Variants in EYS observed in about 807,000 individuals in gnomAD.
EYS encodes EGF-like photoreceptor maintenance factor, also known as protein eyes shut homolog.
EYS carries 250 observed loss-of-function variants against 282.1 expected under a neutral mutation model. The ratio of observed to expected loss-of-function variants is 0.89; its 90% CI spans 0.80 to 0.98. The LOEUF (loss-of-function observed/expected upper bound fraction) is 0.98. Among genes scored for constraint, EYS ranks in the 50% least tolerant of loss-of-function variants. The pLI, the probability that EYS is intolerant of heterozygous loss-of-function variation, is 0.00. For missense variants in EYS, 4,016 were observed against 3,709.0 expected (o/e 1.08, Z -2.15); for synonymous variants, 1,355 against 1,282.9 (o/e 1.06, Z -1.20).
At chr6:64,373,299 C>T (rs1273757750) in intron 29 of EYS, among the ~76,000 whole-genome samples, 1 of 152,122 alleles carries the variant, frequency 6.6e-6, no homozygotes, top group African/African-American at 2.4e-5. Context: ...GGTTGAATGG[C>T]TTCACTTCTA....
At chr6:64,109,624 T>G (rs1429406765) in intron 31 of EYS, among the ~76,000 whole-genome samples, 1 of 152,088 alleles carries the variant, frequency 6.6e-6, no homozygotes, top group Non-Finnish European at 1.5e-5. Context: ...ATTTCACTAT[T>G]TGAAATGCCT....
chr6:65,166,297 T>A (rs1764970010), intron 12 of EYS, among the ~76,000 whole-genome samples: 1 of 151,102 alleles, frequency 6.6e-6, no homozygotes, highest in South Asian at 2.1e-4. Context: ...AAATAGATGA[T>A]CAAATTTGGA....
At chr6:64,695,002 C>T (rs1770524998) in intron 22 of EYS, among the ~76,000 whole-genome samples, 1 of 152,222 alleles carries the variant, frequency 6.6e-6, no homozygotes, top group Admixed American at 6.5e-5. Context: ...TCCCCTCTTT[C>T]CCCATGCTGC....
At chr6:65,089,021 C>T (rs1774469447) in intron 12 of EYS, among the ~76,000 whole-genome samples, 1 of 152,214 alleles carries the variant, frequency 6.6e-6, no homozygotes, top group Non-Finnish European at 1.5e-5. Context: ...GTTTGGGAAC[C>T]TCTACCTAGA....
intron 35 of EYS, among the ~76,000 whole-genome samples, chr6:63,876,296 T>A (rs1490751815): frequency 6.6e-6 from 1 of 152,256 alleles, no homozygotes; most frequent in East Asian, 1.9e-4. Flanking sequence ...CTGAGTTTTT[T>A]AATCCTGTGT....
chr6:64,954,958 C>T (rs1270117042), intron 14 of EYS, among the ~76,000 whole-genome samples: 1 of 152,088 alleles, frequency 6.6e-6, no homozygotes, highest in Non-Finnish European at 1.5e-5. Context: ...CACCTGAGAT[C>T]AGGAGTTCAA....
intron 12 of EYS, among the ~76,000 whole-genome samples, chr6:65,115,966 A>ATCATCCATCTATCT (rs1554154790): frequency 1.2e-4 from 18 of 144,962 alleles, no homozygotes; most frequent in African/African-American, 4.7e-4. Flanking sequence ...CTGTCTATCT[A>ATCATCCATCTATCT]ATCTATCTAT....
chr6:64,000,489 CGA>C (rs1390377521), intron 33 of EYS, among the ~76,000 whole-genome samples: 1 of 151,600 alleles, frequency 6.6e-6, no homozygotes, highest in Non-Finnish European at 1.5e-5. Flanking sequence ...CGTGAGCCAC[CGA>C]GCCCGGCAGG....
chr6:65,668,634 T>A (rs965015899), intron 1 of EYS, among the ~76,000 whole-genome samples: 6 of 151,892 alleles, frequency 4.0e-5, no homozygotes, highest in Non-Finnish European at 8.8e-5. Context: ...CTATATAAAA[T>A]TCAAATCATT....
intron 31 of EYS, among the ~76,000 whole-genome samples, chr6:64,215,919 G>C (rs935793973): frequency 2.6e-5 from 4 of 152,076 alleles, no homozygotes; most frequent in African/African-American, 7.2e-5. Flanking sequence ...CTCTAAAGAA[G>C]AAAAATAGGT....
At chr6:64,674,732 A>ACACG (rs1257504591) in intron 22 of EYS, among the ~76,000 whole-genome samples, 1 of 147,518 alleles carries the variant, frequency 6.8e-6, no homozygotes, top group African/African-American at 2.5e-5. Context: ...TGTCATTAAC[A>ACACG]CACACACACA....
intron 26 of EYS, among the ~76,000 whole-genome samples, chr6:64,538,191 G>T (rs1764588324): frequency 6.6e-6 from 1 of 152,072 alleles, no homozygotes; most frequent in Non-Finnish European, 1.5e-5. Flanking sequence ...GGGAACCAAG[G>T]TTTTATTTAA....
intron 12 of EYS, among the ~76,000 whole-genome samples, chr6:65,152,661 TAGCA>T (rs1764640303): frequency 6.6e-6 from 1 of 151,950 alleles, no homozygotes; most frequent in Non-Finnish European, 1.5e-5. Flanking sequence ...TATTTTGTTA[TAGCA>T]ACCCTAGCAA....
intron 12 of EYS, among the ~76,000 whole-genome samples, chr6:65,288,702 T>C (rs551975820): frequency 2.6e-5 from 4 of 151,170 alleles, no homozygotes; most frequent in East Asian, 3.9e-4. Flanking sequence ...AATAGTACAA[T>C]GTGAGTAAAT....
intron 12 of EYS, among the ~76,000 whole-genome samples, chr6:65,242,316 T>C (rs1454663173): frequency 6.6e-6 from 1 of 152,086 alleles, no homozygotes; most frequent in African/African-American, 2.4e-5. Flanking sequence ...AGGTGATCAA[T>C]AATGTATTTT....
At chr6:64,714,044 A>T (rs964091239) in intron 22 of EYS, among the ~76,000 whole-genome samples, 3 of 152,208 alleles carry the variant, frequency 2.0e-5, no homozygotes, top group African/African-American at 7.2e-5. Context: ...AGCAAGCTAA[A>T]TATGTTGGTA....
intron 23 of EYS, among the ~76,000 whole-genome samples, chr6:64,618,392 G>A (rs1767341755): frequency 6.6e-6 from 1 of 152,064 alleles, no homozygotes; most frequent in Admixed American, 6.6e-5. Context: ...TCCACATAGG[G>A]ACAATGGGTC....
At chr6:64,355,760 T>A (rs1365215242) in intron 29 of EYS, among the ~76,000 whole-genome samples, 2 of 151,576 alleles carry the variant, frequency 1.3e-5, no homozygotes, top group Non-Finnish European at 3.0e-5. Context: ...GATACAAAGA[T>A]GAATCAATCA....
At chr6:65,589,266 T>C (rs1314624550) in intron 2 of EYS, among the ~76,000 whole-genome samples, 1 of 152,096 alleles carries the variant, frequency 6.6e-6, no homozygotes, top group East Asian at 1.9e-4. Flanking sequence ...CCAGGCACTC[T>C]GCATGTTGCA....
Sources: gnomAD v4.1 joint callset for allele counts (sites outside exome capture counted in the v4.1 genomes callset) on GRCh38, gnomAD v4.1.1 for gene constraint, MANE v1.5 for transcripts, NCBI Gene and HGNC (gene_info 2026-07-23, HGNC 2026-07-21) for gene names.